Variants in PRKN observed in about 807,000 individuals in gnomAD.
PRKN encodes E3 ubiquitin-protein ligase parkin.
A neutral mutation model predicts 59.5 loss-of-function variants in PRKN; 56 were observed. The observed-to-expected ratio is 0.94, with a 90% confidence interval of 0.76 to 1.18. The LOEUF (loss-of-function observed/expected upper bound fraction) is 1.18, where lower values mean the gene tolerates loss of function less well. PRKN is among the 50% of genes most tolerant of loss of function. The pLI, the probability that PRKN is intolerant of heterozygous loss-of-function variation, is 0.00. For synonymous variants in PRKN, 250 were observed against 222.1 expected (o/e 1.13, Z -1.12); for missense variants, 657 against 596.4 (o/e 1.10, Z -1.06).
chr6:161,671,824 A>T (rs951429439), intron 7 of PRKN, among the ~76,000 whole-genome samples: 1 of 152,194 alleles, frequency 6.6e-6, no homozygotes, highest in Non-Finnish European at 1.5e-5. Context: ...GTTATTACCC[A>T]GTCCCTTGGT....
At chr6:161,553,216 G>A (rs573204234) in intron 8 of PRKN, among the ~76,000 whole-genome samples, 1 of 151,392 alleles carries the variant, frequency 6.6e-6, no homozygotes, top group South Asian at 2.1e-4. Context: ...GACCTACAGA[G>A]TTTCCCAGTC....
chr6:161,680,742 TATATATATATATATATATATATATATATA>T (rs1562603489), intron 7 of PRKN, among the ~76,000 whole-genome samples: 8 of 6,370 alleles, frequency 1.3e-3, no homozygotes, highest in African/African-American at 1.7e-3. Flanking sequence ...TATATATATA[TATATATATATATATATATATATATATATA>T]TATATTTTTT....
chr6:162,219,926 A>G lies in PRKN; in HGVS notation c.413-18674T>C, dbSNP rs146880810. On this transcript the variant is annotated intron_variant, in intron 3 of 11. Coordinates refer to ENST00000366898, the MANE Select transcript of PRKN (RefSeq NM_004562.3). ...CCTCCTATGGACAGCAAAATCCAAC[A>G]GTGCTCAACACCTTTATATAACATG... Among the ~76,000 whole-genome samples, 402 of 152,312 alleles carry G rather than the reference A, an allele frequency of 2.6e-3. 5 individuals are homozygous for G. Among genetic ancestry groups the G allele is most frequent in the Middle Eastern group, 0.024 (7 of 294 alleles).
chr6:161,540,599 C>T (rs979310351), intron 9 of PRKN, among the ~76,000 whole-genome samples: 2 of 152,094 alleles, frequency 1.3e-5, no homozygotes, highest in African/African-American at 2.4e-5. Flanking sequence ...ATCACTTGCT[C>T]ATTGTGACTA....
chr6:161,941,236 T>C (rs1790025), intron 6 of PRKN, among the ~76,000 whole-genome samples: 86,669 of 151,992 alleles, frequency 0.57, 25,018 homozygotes, highest in Middle Eastern at 0.67. Context: ...ATAAAAACCC[T>C]GAGAGCCTAG....
chr6:162,434,918 T>C (rs937058955), intron 2 of PRKN, among the ~76,000 whole-genome samples: 10 of 151,610 alleles, frequency 6.6e-5, no homozygotes, highest in Non-Finnish European at 1.5e-4. Flanking sequence ...AAAGATGGAA[T>C]TTCAGTGAAT....
chr6:162,637,712 CAAT>C (rs1289847392), intron 1 of PRKN, among the ~76,000 whole-genome samples: 1 of 152,136 alleles, frequency 6.6e-6, no homozygotes, highest in African/African-American at 2.4e-5. Flanking sequence ...TTAATTAAAA[CAAT>C]AATTTTACCA....
intron 5 of PRKN, among the ~76,000 whole-genome samples, chr6:162,048,456 G>A (rs1008350876): frequency 6.6e-6 from 1 of 151,932 alleles, no homozygotes; most frequent in Non-Finnish European, 1.5e-5. Context: ...GGGAGCGTTG[G>A]ATGACAGTGG....
chr6:161,725,302 A>G (rs1787395838), intron 7 of PRKN, among the ~76,000 whole-genome samples: 2 of 152,224 alleles, frequency 1.3e-5, no homozygotes, highest in Admixed American at 1.3e-4. Context: ...GACAATGGGT[A>G]GGGTAACCTC....
Position 162,116,436 on chromosome 6 carries a change from A to G in PRKN, c.535-62262T>C, listed in dbSNP as rs1780675917. 2.0e-5 allele frequency among the ~76,000 whole-genome samples: 3 copies of G among 152,198 alleles called. No homozygotes were observed. The South Asian group carries it at 6.2e-4, about 31-fold the overall frequency. On this transcript the variant is annotated intron_variant, in intron 4 of 11. Transcript: ENST00000366898. ...AACAGCTCTCTAGGAAAGGGACGAC[A>G]TCATAAAGATGTGTATAAGAGAAAG... is the stretch of plus-strand genomic sequence containing the variant.
intron 7 of PRKN, among the ~76,000 whole-genome samples, chr6:161,741,723 C>T (rs1018731140): frequency 3.3e-5 from 5 of 150,464 alleles, no homozygotes; most frequent in African/African-American, 1.0e-4. Flanking sequence ...CTCTTTGTCT[C>T]GGGAAGGACG....
At chr6:162,156,978 A>C (rs1782541453) in intron 4 of PRKN, among the ~76,000 whole-genome samples, 1 of 125,806 alleles carries the variant, frequency 7.9e-6, no homozygotes, top group Non-Finnish European at 1.7e-5. Context: ...ATCACATTTT[A>C]TGAATACCTG....
rs920200677 is a variant in PRKN at position 161,593,285 on chromosome 6, G to A, written c.872-23869C>T. ...CCTTAGTCCTTACGGGCTGCTTTGA[G>A]TGTGAGGGCAGGGCTATTGATATTT... On this transcript the variant is annotated intron_variant, in intron 7 of 11. Transcript: ENST00000366898. The surrounding 1 kb of genome is among the most constrained non-coding windows in gnomAD (Gnocchi z 4.8). 2.0e-5 allele frequency among the ~76,000 whole-genome samples: 3 copies of A among 152,194 alleles called. No homozygotes were observed. Among genetic ancestry groups the A allele is most frequent in the African/African-American group, 7.2e-5 (3 of 41,448 alleles).
Position 161,588,620 on chromosome 6 carries a change from G to A in PRKN, c.872-19204C>T, listed in dbSNP as rs943107311. On this transcript the variant is annotated intron_variant, in intron 7 of 11. Transcript: ENST00000366898. This position sits in a 1 kb window ranked among gnomAD's most constrained non-coding sequence, Gnocchi z 5.0. ...GGGGCTGGACCTCTCGGTGCATACC[G>A]TAAAGCCCCATGATACTGATCCATG... is the stretch of plus-strand genomic sequence containing the variant. Among the ~76,000 whole-genome samples the A allele has an allele frequency of 2.6e-5, 4 of 152,092 alleles. No homozygotes were observed. The highest frequency in any genetic ancestry group is 4.8e-5 in the African/African-American group (2 of 41,418).
intron 9 of PRKN, among the ~76,000 whole-genome samples, chr6:161,426,907 G>C (rs1439615109): frequency 6.7e-6 from 1 of 148,500 alleles, no homozygotes; most frequent in Non-Finnish European, 1.5e-5. Flanking sequence ...TTTTAGTAGA[G>C]ATGGGGTTTC....
chr6:162,313,065 T>C (rs1017731274), intron 2 of PRKN, among the ~76,000 whole-genome samples: 1 of 152,096 alleles, frequency 6.6e-6, no homozygotes, highest in African/African-American at 2.4e-5. Flanking sequence ...CAAATGAAAA[T>C]GATTTTTTTC....
In PRKN at chr6:161,874,976, T is replaced by TTA. The variant is rs1346832504; in HGVS notation, c.735-89070_735-89069dup. ...TACTTTATATATAATATATAATTTA[T>TTA]TATATTATATACTTTATATATAATA... On this transcript the variant is annotated intron_variant, in intron 6 of 11. Coordinates refer to ENST00000366898, the MANE Select transcript of PRKN (RefSeq NM_004562.3). 2.9e-5 allele frequency among the ~76,000 whole-genome samples: 3 copies of TTA among 103,680 alleles called. 1 individual carries two copies. The highest frequency in any genetic ancestry group is 1.4e-4 in the African/African-American group (3 of 22,072). The allele number at this position is 103,680 out of a possible 152,430, so 68.0% of individuals were successfully genotyped here.
intron 6 of PRKN, among the ~76,000 whole-genome samples, chr6:161,823,690 GT>G (rs1410759846): frequency 1.3e-5 from 2 of 152,140 alleles, no homozygotes; most frequent in Non-Finnish European, 2.9e-5. Flanking sequence ...GGCAAGTCAG[GT>G]TTCATGACTG....
intron 6 of PRKN, among the ~76,000 whole-genome samples, chr6:161,793,766 A>G (rs944510606): frequency 2.6e-5 from 4 of 152,194 alleles, no homozygotes; most frequent in African/African-American, 7.2e-5. Flanking sequence ...AGGCTGAACA[A>G]ACTAAATGGC....
Sources: gnomAD v4.1 joint callset for allele counts (sites outside exome capture counted in the v4.1 genomes callset) on GRCh38, gnomAD v4.1.1 for gene constraint, Gnocchi (gnomAD v3.1) non-coding constraint, MANE v1.5 for transcripts, NCBI Gene and HGNC (gene_info 2026-07-23, HGNC 2026-07-21) for gene names.